Variants in PPP1R9A observed in about 807,000 individuals in gnomAD.
PPP1R9A encodes the protein neurabin-1.
A neutral mutation model predicts 141.9 loss-of-function variants in PPP1R9A; 59 were observed. The ratio of observed to expected loss-of-function variants is 0.42; its 90% CI spans 0.34 to 0.52. The LOEUF (loss-of-function observed/expected upper bound fraction) is 0.52, where lower values mean the gene tolerates loss of function less well. PPP1R9A is among the 20% of genes least tolerant of loss of function. The pLI, the probability that PPP1R9A is intolerant of heterozygous loss-of-function variation, is 0.10. For missense variants in PPP1R9A, 1,444 were observed against 1,611.9 expected (o/e 0.90, Z 1.78); for synonymous variants, 500 against 569.7 (o/e 0.88, Z 1.74).
chr7:95,119,148 A>C (rs531156901), intron 3 of PPP1R9A, among the ~76,000 whole-genome samples: 2 of 152,326 alleles, frequency 1.3e-5, no homozygotes, highest in East Asian at 3.9e-4. Context: ...TTATGCTGCT[A>C]GTAAAGCATG....
chr7:95,259,898 T>G (rs1800166564), intron 12 of PPP1R9A, among the ~76,000 whole-genome samples: 2 of 152,164 alleles, frequency 1.3e-5, no homozygotes, highest in Non-Finnish European at 2.9e-5. Context: ...TTCAGCCTTT[T>G]TAAAAATATA....
chr7:95,220,402 A>G (rs1165854502), intron 7 of PPP1R9A, among the ~76,000 whole-genome samples: 2 of 152,128 alleles, frequency 1.3e-5, no homozygotes, highest in East Asian at 1.9e-4. Flanking sequence ...AGCGCCATTT[A>G]GTTTCCCTGA....
At chr7:95,045,072 C>A (rs1809806623) in intron 2 of PPP1R9A, among the ~76,000 whole-genome samples, 1 of 152,060 alleles carries the variant, frequency 6.6e-6, no homozygotes, top group South Asian at 2.1e-4. Context: ...CCTTTTAACT[C>A]CTTCAAGCAT....
At chr7:95,163,597 A>T (rs185765010) in intron 5 of PPP1R9A, among the ~76,000 whole-genome samples, 2 of 152,324 alleles carry the variant, frequency 1.3e-5, no homozygotes, top group East Asian at 3.9e-4. Flanking sequence ...AAATGCTCTA[A>T]TGAATATTTC....
chr7:94,936,651 GGTGT>G (rs35730484), intron 2 of PPP1R9A, among the ~76,000 whole-genome samples: 15,680 of 82,084 alleles, frequency 0.19, 853 homozygotes, highest in South Asian at 0.27. Context: ...ACTGTGTAGG[GGTGT>G]GTGTGTGTGT....
chr7:95,280,047 C>A (rs1414975855), intron 16 of PPP1R9A, among the ~76,000 whole-genome samples: 1 of 152,062 alleles, frequency 6.6e-6, no homozygotes, highest in Non-Finnish European at 1.5e-5. Context: ...GATCTGGGAG[C>A]AGGATATGTC....
intron 2 of PPP1R9A, among the ~76,000 whole-genome samples, chr7:94,995,438 T>C (rs1802052980): frequency 6.6e-6 from 1 of 152,018 alleles, no homozygotes; most frequent in South Asian, 2.1e-4. Context: ...ATCACACATA[T>C]GTTAGGTTGC....
chr7:95,120,130 G>T (rs1468989068), intron 3 of PPP1R9A, among the ~76,000 whole-genome samples: 2 of 151,488 alleles, frequency 1.3e-5, no homozygotes, highest in Non-Finnish European at 2.9e-5. Flanking sequence ...CTAACTTTTT[G>T]TATTTTTAGT....
At chr7:94,920,992 G>A (rs1792724181) in intron 2 of PPP1R9A, among the ~76,000 whole-genome samples, 1 of 152,056 alleles carries the variant, frequency 6.6e-6, no homozygotes, top group African/African-American at 2.4e-5. Context: ...ACAGCCTCAT[G>A]GAGGCTACAT....
intron 2 of PPP1R9A, among the ~76,000 whole-genome samples, chr7:94,928,453 C>G (rs1415981378): frequency 3.9e-5 from 6 of 152,146 alleles, no homozygotes; most frequent in Non-Finnish European, 7.4e-5. Context: ...CATTTTTTCT[C>G]TCTGTTCTTT....
chr7:95,065,595 T>C (rs965777973), intron 2 of PPP1R9A, among the ~76,000 whole-genome samples: 6 of 152,198 alleles, frequency 3.9e-5, no homozygotes, highest in African/African-American at 1.4e-4. Context: ...CTGTTGTGAC[T>C]GGAGTCATCA....
chr7:95,221,051 A>T (rs757868444), intron 7 of PPP1R9A, among the ~76,000 whole-genome samples: 7 of 152,102 alleles, frequency 4.6e-5, no homozygotes, highest in Non-Finnish European at 1.0e-4. Flanking sequence ...TCATGTGTTG[A>T]GGTCTTCTAG....
chr7:95,215,816 GTTGT>G (rs1383000051), intron 7 of PPP1R9A, among the ~76,000 whole-genome samples: 12 of 152,132 alleles, frequency 7.9e-5, no homozygotes, highest in African/African-American at 2.4e-4. Flanking sequence ...TTTTGATGGG[GTTGT>G]TTGTTTTTTT....
At chr7:95,026,803 G>T (rs1411288081) in intron 2 of PPP1R9A, among the ~76,000 whole-genome samples, 1 of 152,132 alleles carries the variant, frequency 6.6e-6, no homozygotes, top group African/African-American at 2.4e-5. Context: ...AATCTGGAGA[G>T]GCAGTCTGGC....
At chr7:95,225,840 AC>A in intron 7 of PPP1R9A, 120 bp from the exon 8 acceptor site, 1 of 1,049,650 alleles carries the variant, frequency 9.5e-7, no homozygotes, top group South Asian at 1.9e-5. Flanking sequence ...TGGCTGAAAA[AC>A]CTACTTACAC....
chr7:95,285,882 G>A (rs1005591975), intron 17 of PPP1R9A, among the ~76,000 whole-genome samples: 13 of 152,110 alleles, frequency 8.5e-5, no homozygotes, highest in Admixed American at 2.6e-4. Flanking sequence ...TACTCATCAC[G>A]ATTAGGGTCA....
intron 2 of PPP1R9A, among the ~76,000 whole-genome samples, chr7:95,074,114 C>T (rs1036108217): frequency 3.3e-5 from 5 of 152,080 alleles, no homozygotes; most frequent in East Asian, 1.9e-4. Context: ...TCATGCTTAG[C>T]GTGGTGAACA....
chr7:94,999,747 A>G (rs1341113587), intron 2 of PPP1R9A, among the ~76,000 whole-genome samples: 1 of 152,000 alleles, frequency 6.6e-6, no homozygotes, highest in African/African-American at 2.4e-5. Context: ...GAAGAATAGC[A>G]TCACTACCAA....
At chr7:95,197,878 G>A (rs10247546) in intron 5 of PPP1R9A, among the ~76,000 whole-genome samples, 88,338 of 151,974 alleles carry the variant, frequency 0.58, 25,836 homozygotes, top group South Asian at 0.65. Context: ...CGAACTCCGG[G>A]CCTCAGGTGA....
Sources: allele counts gnomAD v4.1 joint callset (sites outside exome capture counted in the v4.1 genomes callset), GRCh38; gene constraint gnomAD v4.1.1; transcripts MANE v1.5; gene names NCBI Gene and HGNC (gene_info 2026-07-23, HGNC 2026-07-21).